The following PIWIL1 variants were observed in gnomAD, a reference collection of about 807,000 sequenced individuals.
The protein encoded by PIWIL1 is piwi like RNA-mediated gene silencing 1, also known as piwi-like protein 1.
A neutral mutation model predicts 114.4 loss-of-function variants in PIWIL1; 73 were observed. The observed-to-expected ratio is 0.64, with a 90% CI of 0.53 to 0.78. The LOEUF (loss-of-function observed/expected upper bound fraction) is 0.78, where lower values mean the gene tolerates loss of function less well. Among genes scored for constraint, PIWIL1 ranks in the 30% least tolerant of loss-of-function variants. PIWIL1 has a pLI of 0.00. For missense variants in PIWIL1, 723 were observed against 1,063.1 expected, an observed-to-expected ratio of 0.68 and a Z score of 4.45; for synonymous variants, 375 against 369.0, an observed-to-expected ratio of 1.02 and a Z score of -0.19.
At chr12:130,413,595 T>G in the PIWIL1 span, among the ~76,000 whole-genome samples, 2 of 133,916 alleles carry the variant, frequency 1.5e-5, no homozygotes, top group Non-Finnish European at 3.0e-5. Flanking sequence ...ATGGTGCCAC[T>G]GTACTCCAGC....
chr12:130,407,133 A>C, the PIWIL1 span, among the ~76,000 whole-genome samples: 42 of 152,316 alleles, frequency 2.8e-4, no homozygotes, highest in African/African-American at 9.1e-4. Flanking sequence ...AAATGTCAAA[A>C]TGAGGGAATA....
At chr12:130,357,703 T>C (rs2073401402) in intron 14 of PIWIL1, 150 bp downstream of exon 14, 1 of 617,818 alleles carries the variant, frequency 1.6e-6, no homozygotes. Context: ...ATAAAGTAGC[T>C]AAGCTAATGC....
chr12:130,398,956 T>G, the PIWIL1 span: 1 of 358,204 alleles, frequency 2.8e-6, no homozygotes. Context: ...TGAGACCAAG[T>G]AATATTCTAA....
At position 130,341,744 on chromosome 12, in the gene PIWIL1, G is replaced by A. The variant is rs552236850; in HGVS notation, c.-12-836G>A. On this transcript the variant is annotated intron_variant, in intron 1 of 20. Transcript: ENST00000245255. ...CTAAAATGTGAAGGAGTTGGGTTCAGGCAGTTGAGCTCTGAGGCCTCTACC... is the reference window on the plus strand; with the variant it reads ...CTAAAATGTGAAGGAGTTGGGTTCAAGCAGTTGAGCTCTGAGGCCTCTACC... 2.6e-5 allele frequency among the ~76,000 whole-genome samples: 4 copies of A among 152,294 alleles called. No homozygotes were observed. The East Asian group carries it at 7.7e-4, about 29-fold the overall frequency.
the PIWIL1 span, among the ~76,000 whole-genome samples, chr12:130,400,639 A>T: frequency 6.6e-6 from 1 of 152,162 alleles, no homozygotes; most frequent in African/African-American, 2.4e-5. Context: ...TGACATAAAG[A>T]GCCTACTACA....
At chr12:130,359,836 AT>A (rs1450920428) in intron 14 of PIWIL1, among the ~76,000 whole-genome samples, 1 of 152,228 alleles carries the variant, frequency 6.6e-6, no homozygotes, top group Non-Finnish European at 1.5e-5. Context: ...GGTAAGGAAA[AT>A]TATGATAGGT....
Position 130,349,364 on chromosome 12 carries a change from A to G in PIWIL1, c.860A>G (p.Tyr287Cys). The part of the protein sequence containing the change: ...ETVLDFMFNF[Y>C]HQTEEHKFQE... ...GTTTTGGATTTCATGTTCAACTTTT[A>G]TCATCAGACAGAAGAACATAAATTT... is the stretch of plus-strand genomic sequence containing the variant. The change falls in exon 8 of 21, where the codon TAT (tyrosine) becomes TGT (cysteine). Residue 287 changes from tyrosine (Y) to cysteine (C), a missense_variant. By Grantham distance (194) the Tyr-to-Cys change is radical (BLOSUM62 -2). This residue lies in a region of PIWIL1 where 190 missense variants were observed against 294.4 expected (regional missense o/e 0.65). Transcript: ENST00000245255. The G allele has an allele frequency of 6.2e-7, 1 of 1,613,722 alleles. No homozygotes were observed. The highest frequency in any genetic ancestry group is 8.5e-7 in the Non-Finnish European group (1 of 1,179,596).
chr12:130,414,452 G>C, the PIWIL1 span: 8 of 723,618 alleles, frequency 1.1e-5, no homozygotes, highest in Admixed American at 3.0e-5. Context: ...GGTGGAAATA[G>C]ATCGGGAGGT....
At chr12:130,417,849 T>A in the PIWIL1 span, among the ~76,000 whole-genome samples, 1 of 149,350 alleles carries the variant, frequency 6.7e-6, no homozygotes, top group Admixed American at 6.8e-5. Context: ...TGTGTATATA[T>A]GTATGGAGAG....
At chr12:130,376,844 C>G (rs1336043248), downstream of PIWIL1, among the ~76,000 whole-genome samples, 1 of 152,222 alleles carries the variant, frequency 6.6e-6, no homozygotes, top group Non-Finnish European at 1.5e-5. Flanking sequence ...GGATCCCCAT[C>G]TCAGGAACAC....
the PIWIL1 span, chr12:130,383,481 T>TA: frequency 6.6e-6 from 1 of 152,158 alleles, no homozygotes; most frequent in Non-Finnish European, 1.5e-5. Context: ...AAAGCCAAGG[T>TA]AAAATGTCTC....
At chr12:130,350,125 T>C (rs2136144496) in intron 9 of PIWIL1, among the ~76,000 whole-genome samples, 158 bp downstream of exon 9, 1 of 152,354 alleles carries the variant, frequency 6.6e-6, no homozygotes, top group East Asian at 1.9e-4. Flanking sequence ...ACCAAATTAT[T>C]AAAATGCCTC....
chr12:130,394,121 C>T, the PIWIL1 span, among the ~76,000 whole-genome samples: 2 of 152,224 alleles, frequency 1.3e-5, no homozygotes, highest in Non-Finnish European at 2.9e-5. Context: ...TCCTCCTGCT[C>T]CATGGAGTAT....
At chr12:130,356,439 G>A (rs1205066741) in intron 12 of PIWIL1, among the ~76,000 whole-genome samples, 3 of 152,044 alleles carry the variant, frequency 2.0e-5, no homozygotes, top group Admixed American at 6.6e-5. Flanking sequence ...AGAAGACACC[G>A]GGCTGCTCCC....
intron 3 of PIWIL1, among the ~76,000 whole-genome samples, chr12:130,344,348 A>C (rs1317541311): frequency 4.6e-5 from 7 of 152,184 alleles, no homozygotes; most frequent in Admixed American, 2.6e-4. Flanking sequence ...GAGAGAGACA[A>C]GTATGAACAG....
At chr12:130,381,827 G>A in the PIWIL1 span, among the ~76,000 whole-genome samples, 1 of 152,172 alleles carries the variant, frequency 6.6e-6, no homozygotes, top group Non-Finnish European at 1.5e-5. Context: ...TATTGTCATT[G>A]TGGGTTTTGG....
At chr12:130,340,573 C>G (rs542047407) in intron 1 of PIWIL1, among the ~76,000 whole-genome samples, 9 of 144,332 alleles carry the variant, frequency 6.2e-5, no homozygotes, top group Non-Finnish European at 1.2e-4. Flanking sequence ...GGCTCACTTC[C>G]TGCTGTGTGG....
At chr12:130,385,214 A>G in the PIWIL1 span, among the ~76,000 whole-genome samples, 1 of 152,250 alleles carries the variant, frequency 6.6e-6, no homozygotes, top group Non-Finnish European at 1.5e-5. Context: ...GCCTGTCCAC[A>G]GTGCTGCAGA....
chr12:130,364,609 TC>T (rs2073604826), intron 18 of PIWIL1, among the ~76,000 whole-genome samples: 1 of 152,234 alleles, frequency 6.6e-6, no homozygotes, highest in Non-Finnish European at 1.5e-5. Flanking sequence ...TCTTTCCTAT[TC>T]CCTTAAGACT....
Sources: allele counts gnomAD v4.1 joint callset (sites outside exome capture counted in the v4.1 genomes callset), GRCh38; gene constraint gnomAD v4.1.1; regional missense constraint gnomAD v4.1.1; transcripts MANE v1.5; gene names NCBI Gene and HGNC (gene_info 2026-07-23, HGNC 2026-07-21).